The following CSMD3 variants were observed in gnomAD, a reference collection of about 807,000 sequenced individuals.
CSMD3 encodes the protein CUB and sushi domain-containing protein 3.
CSMD3 carries 177 observed loss-of-function variants against 435.2 expected under a neutral mutation model. That is an observed-to-expected ratio of 0.41 (90% CI 0.36 to 0.46). The LOEUF is 0.46. Ranked by LOEUF, CSMD3 falls within the 20% of genes least tolerant of loss-of-function variation. The probability of loss-of-function intolerance (pLI) is 0.34; values close to 1 mark genes in which losing one functional copy is unlikely to be tolerated. For synonymous variants in CSMD3, 1,656 were observed against 1,520.5 expected, an observed-to-expected ratio of 1.09 and a Z score of -2.07; for missense variants, 4,265 against 4,504.6, an observed-to-expected ratio of 0.95 and a Z score of 1.52.
At chr8:112,749,605 A>G (rs931722768) in intron 13 of CSMD3, among the ~76,000 whole-genome samples, 2 of 152,150 alleles carry the variant, frequency 1.3e-5, no homozygotes, top group Non-Finnish European at 2.9e-5. Context: ...CTCTTCAGAC[A>G]TGAGGAGCAC....
intron 3 of CSMD3, among the ~76,000 whole-genome samples, chr8:113,253,042 A>T (rs867866912): frequency 1.6e-4 from 25 of 152,168 alleles, no homozygotes; most frequent in Admixed American, 1.5e-3. Flanking sequence ...GAACCAGAGC[A>T]CAGATCAATA....
intron 10 of CSMD3, among the ~76,000 whole-genome samples, chr8:112,867,444 T>C (rs759395996): frequency 7.2e-5 from 11 of 152,128 alleles, no homozygotes; most frequent in Non-Finnish European, 1.3e-4. Flanking sequence ...AGGTACATTC[T>C]GAGAAACGTG....
intron 3 of CSMD3, among the ~76,000 whole-genome samples, chr8:113,260,926 A>T (rs1375651385): frequency 6.6e-6 from 1 of 152,192 alleles, no homozygotes; most frequent in African/African-American, 2.4e-5. Context: ...ATGGTTGCAT[A>T]GTATTCCATG....
At chr8:112,441,343 T>G (rs904585798) in intron 32 of CSMD3, among the ~76,000 whole-genome samples, 1 of 152,126 alleles carries the variant, frequency 6.6e-6, no homozygotes, top group African/African-American at 2.4e-5. Flanking sequence ...GCTACAAGTC[T>G]CTAAGAAGTT....
chr8:112,747,962 CAAAAAAAAA>C (rs71309788), intron 13 of CSMD3, among the ~76,000 whole-genome samples: 5 of 96,778 alleles, frequency 5.2e-5, no homozygotes, highest in African/African-American at 1.5e-4. Flanking sequence ...GACTCCGTCT[CAAAAAAAAA>C]AAAAAAAAAA....
chr8:113,086,055 G>A (rs188204874), intron 5 of CSMD3, among the ~76,000 whole-genome samples: 1 of 152,132 alleles, frequency 6.6e-6, no homozygotes, highest in Non-Finnish European at 1.5e-5. Flanking sequence ...GGCTAACATG[G>A]TGAAACCCCA....
chr8:112,410,588 ATGTATATATATATG>A (rs1832261551), intron 32 of CSMD3, among the ~76,000 whole-genome samples: 1 of 113,770 alleles, frequency 8.8e-6, no homozygotes. Context: ...ATACATACAT[ATGTATATATATATG>A]TGTATATATA....
At chr8:112,373,479 T>C (rs989027267) in intron 38 of CSMD3, among the ~76,000 whole-genome samples, 2 of 152,048 alleles carry the variant, frequency 1.3e-5, no homozygotes, top group African/African-American at 4.8e-5. Flanking sequence ...TGTTTAAGTA[T>C]TTTGCTTATC....
At chr8:113,048,646 T>G (rs900957506) in intron 5 of CSMD3, among the ~76,000 whole-genome samples, 1 of 152,218 alleles carries the variant, frequency 6.6e-6, no homozygotes, top group Non-Finnish European at 1.5e-5. Context: ...TGATTGCATT[T>G]ACTCTGCATA....
At chr8:113,157,261 G>A (rs188706434) in intron 4 of CSMD3, among the ~76,000 whole-genome samples, 25 of 152,138 alleles carry the variant, frequency 1.6e-4, no homozygotes, top group African/African-American at 5.5e-4. Flanking sequence ...GGTACTAAAA[G>A]GGCAACTTGA....
At chr8:112,337,786 A>G (rs2130968403) in intron 42 of CSMD3, 55 bp from the exon 43 acceptor site, 2 of 1,401,944 alleles carry the variant, frequency 1.4e-6, no homozygotes, top group East Asian at 2.3e-5. Flanking sequence ...GAGGCCACAG[A>G]TAGGGTACTA....
intron 1 of CSMD3, among the ~76,000 whole-genome samples, chr8:113,423,713 TA>T (rs1299402374): frequency 2.6e-5 from 4 of 151,914 alleles, no homozygotes; most frequent in Non-Finnish European, 2.9e-5. Flanking sequence ...GTATAAGATT[TA>T]AATAGGTCGT....
At chr8:112,877,204 A>G (rs1398255232) in intron 10 of CSMD3, among the ~76,000 whole-genome samples, 1 of 152,144 alleles carries the variant, frequency 6.6e-6, no homozygotes, top group Non-Finnish European at 1.5e-5. Context: ...TATAGATTCA[A>G]TGCTGTCCCC....
chr8:113,314,457 G>T, intron 2 of CSMD3, 114 bp downstream of exon 2: 1 of 704,384 alleles, frequency 1.4e-6, no homozygotes. Context: ...ATAATTAGAT[G>T]GTGAATACAA....
chr8:112,583,703 T>C (rs534216342), intron 23 of CSMD3, among the ~76,000 whole-genome samples: 4 of 152,004 alleles, frequency 2.6e-5, no homozygotes, highest in Non-Finnish European at 5.9e-5. Flanking sequence ...GAAGGGTATA[T>C]ATTTGTTCTA....
At chr8:113,360,441 T>A (rs182584320) in intron 1 of CSMD3, among the ~76,000 whole-genome samples, 1 of 152,306 alleles carries the variant, frequency 6.6e-6, no homozygotes, top group East Asian at 1.9e-4. Context: ...GTTTATCTCA[T>A]ATGCTAAAAT....
At chr8:113,321,851 T>G (rs1180695856) in intron 1 of CSMD3, among the ~76,000 whole-genome samples, 1 of 152,164 alleles carries the variant, frequency 6.6e-6, no homozygotes, top group Non-Finnish European at 1.5e-5. Flanking sequence ...TTGATTGAAA[T>G]GAAAAGCTAC....
chr8:113,226,917 C>G (rs2093035302), intron 3 of CSMD3, among the ~76,000 whole-genome samples: 1 of 151,528 alleles, frequency 6.6e-6, no homozygotes, highest in African/African-American at 2.4e-5. Context: ...TACCATGATA[C>G]AGGATATTGA....
At chr8:112,862,356 A>G (rs1038044550) in intron 10 of CSMD3, among the ~76,000 whole-genome samples, 31 of 152,156 alleles carry the variant, frequency 2.0e-4, no homozygotes, top group African/African-American at 7.2e-4. Context: ...ATATATCATG[A>G]CGACTGTTCT....
Sources: gnomAD v4.1 joint callset for allele counts (sites outside exome capture counted in the v4.1 genomes callset) on GRCh38, gnomAD v4.1.1 for gene constraint, MANE v1.5 for transcripts, NCBI Gene and HGNC (gene_info 2026-07-23, HGNC 2026-07-21) for gene names.